Variants in PSME4 observed in about 807,000 individuals in gnomAD.
The protein encoded by PSME4 is proteasome activator complex subunit 4.
PSME4 carries 89 observed loss-of-function variants against 253.9 expected under a neutral mutation model. The observed-to-expected ratio is 0.35, with a 90% CI of 0.30 to 0.42. The LOEUF (loss-of-function observed/expected upper bound fraction) is 0.42, where lower values mean the gene tolerates loss of function less well. Ranked by LOEUF, PSME4 falls within the 10% of genes least tolerant of loss-of-function variation. PSME4 has a pLI of 1.00. For synonymous variants in PSME4, 851 were observed against 759.2 expected (o/e 1.12, Z -1.99); for missense variants, 2,014 against 2,195.2 (o/e 0.92, Z 1.65).
chr2:53,918,847 T>C (rs1668174627), intron 20 of PSME4, among the ~76,000 whole-genome samples: 1 of 152,188 alleles, frequency 6.6e-6, no homozygotes, highest in South Asian at 2.1e-4. Context: ...ATTTTTCCTT[T>C]TTAAAAGAAC....
chr2:53,933,900 G>A (rs773458047), intron 8 of PSME4, among the ~76,000 whole-genome samples: 22 of 152,036 alleles, frequency 1.4e-4, no homozygotes, highest in Admixed American at 5.9e-4. Flanking sequence ...ACAATAAAAT[G>A]GCAAAAACAA....
At chr2:53,954,562 G>C (rs1260748696) in intron 1 of PSME4, among the ~76,000 whole-genome samples, 4 of 152,132 alleles carry the variant, frequency 2.6e-5, no homozygotes, top group Admixed American at 6.6e-5. Flanking sequence ...ATTCAGGTCA[G>C]GTGTAGTGAG....
At position 53,925,183 on chromosome 2, in the gene PSME4, G is replaced by A. The variant is rs1262021836; in HGVS notation, c.1809+356C>T. On this transcript the variant is annotated intron_variant, in intron 14 of 46. Transcript: ENST00000404125. ...ATAAGAAGCAAAAAAATGTAAAAAA[G>A]TGGCATTAAATAGATCGCAAAGGGG... 2.6e-5 allele frequency among the ~76,000 whole-genome samples: 4 copies of A among 152,298 alleles called. No homozygotes were observed. The East Asian group carries it at 7.7e-4, about 29-fold the overall frequency.
At chr2:53,866,304 C>A in intron 45 of PSME4, 81 bp from the exon 46 acceptor site, 2 of 1,464,084 alleles carry the variant, frequency 1.4e-6, no homozygotes, top group Non-Finnish European at 9.3e-7. Flanking sequence ...GTTAAATTAC[C>A]GTCCCTCTAG....
intron 35 of PSME4, 46 bp downstream of exon 35, chr2:53,893,628 A>ATAT (rs1680012917): frequency 6.3e-7 from 1 of 1,592,234 alleles, no homozygotes; most frequent in Non-Finnish European, 8.5e-7. Flanking sequence ...TACGAACTGA[A>ATAT]TAGTTACTAA....
rs541177657 is a variant in PSME4 at position 53,944,199 on chromosome 2, C to T, written c.501-4199G>A. ...TTGAGATGGGTGTCTGGCTCTGTAG[C>T]CCAGGCTGGAGTGCAGTGGGATGAT... On this transcript the variant is annotated intron_variant, in intron 3 of 46. Coordinates refer to ENST00000404125, the MANE Select transcript of PSME4 (RefSeq NM_014614.3). Among the ~76,000 whole-genome samples the T allele has an allele frequency of 2.0e-5, 3 of 152,046 alleles. No homozygotes were observed. In the South Asian group the frequency reaches 6.2e-4, roughly 32 times the overall value.
chr2:53,866,840 T>C lies in PSME4; in HGVS notation c.5304A>G (p.Ala1768=), dbSNP rs369717673. The C allele has an allele frequency of 1.9e-6, 3 of 1,614,012 alleles. No homozygotes were observed. Among genetic ancestry groups the C allele is most frequent in the African/African-American group, 2.7e-5 (2 of 74,914 alleles). Residue 1768 remains alanine (A), a synonymous_variant, in exon 45 of 47, where the codon GCA becomes GCG. Coordinates refer to ENST00000404125, the MANE Select transcript of PSME4 (RefSeq NM_014614.3). ...KRHAGVLGLG[A]CVLSSPYDVP... Reference sequence around the variant, plus strand: ...CATCGTAAGGACTAGAAAGAACACATGCACCAAGTCCTAGCACCCCAGCAT... The same window carrying C: ...CATCGTAAGGACTAGAAAGAACACACGCACCAAGTCCTAGCACCCCAGCAT...
At chr2:53,875,075 G>T (rs921641766) in intron 42 of PSME4, among the ~76,000 whole-genome samples, 6 of 152,218 alleles carry the variant, frequency 3.9e-5, no homozygotes, top group African/African-American at 1.4e-4. Context: ...GGTCTGGAAA[G>T]CAAATGATTA....
At chr2:53,946,399 G>A (rs1669701811) in intron 3 of PSME4, among the ~76,000 whole-genome samples, 1 of 152,294 alleles carries the variant, frequency 6.6e-6, no homozygotes, top group Middle Eastern at 3.4e-3. Context: ...TGAGATCTAT[G>A]AAATAGTGAA....
chr2:53,908,210 T>C, intron 24 of PSME4, 110 bp downstream of exon 24: 1 of 766,982 alleles, frequency 1.3e-6, no homozygotes, highest in Non-Finnish European at 2.0e-6. Context: ...TTAAATCTAC[T>C]ATTTTTCCTT....
Position 53,897,929 on chromosome 2 carries a change from G to A in PSME4, c.3547C>T (p.Leu1183Phe). The change falls in exon 31 of 47, where the codon CTT becomes TTT. Residue 1183 changes from leucine to phenylalanine, a missense_variant. Transcript: ENST00000404125. ...TCAACAAAAAACCGTATGGCACGAA[G>A]AGGCAACACTCGGTCATCTCTCAGC... is the stretch of plus-strand genomic sequence containing the variant. ...LLLRDDRVLP[L>F]RAIRFFVENL... The A allele has an allele frequency of 6.2e-7, 1 of 1,613,260 alleles. No individual in the cohort carries two copies. Among genetic ancestry groups the A allele is most frequent in the South Asian group, 1.1e-5 (1 of 91,070 alleles).
rs890740904 is a variant in PSME4, at chr2:53,888,005, C to T, written c.4389-16G>A. The T allele has an allele frequency of 3.1e-6, 5 of 1,603,238 alleles. No homozygotes were observed. The highest frequency in any genetic ancestry group is 2.2e-5 in the East Asian group (1 of 44,542). On this transcript the variant is annotated splice_polypyrimidine_tract_variant and intron_variant, in intron 38 of 46. Transcript: ENST00000404125. ...ATAAAGTCGACTAAAATTAAAGCAT[C>T]GTAGTGTTATATTGGAGGCCCTTTC...
chr2:53,893,437 T>G (rs1680001244), intron 35 of PSME4, among the ~76,000 whole-genome samples: 1 of 152,196 alleles, frequency 6.6e-6, no homozygotes, highest in Admixed American at 6.5e-5. Flanking sequence ...AGAGTACTTT[T>G]AGGACCTAAT....
chr2:53,893,079 A>G (rs1558658157), intron 35 of PSME4, 119 bp from the exon 36 acceptor site: 3 of 778,726 alleles, frequency 3.9e-6, no homozygotes, highest in Non-Finnish European at 5.8e-6. Flanking sequence ...ACTCCCCTTT[A>G]GAACTGCTTT....
In PSME4 at chr2:53,885,784, A is replaced by T; in HGVS notation, c.4730-9T>A. 6.3e-7 allele frequency: 1 copy of T among 1,596,082 alleles called. No homozygotes were observed. Among genetic ancestry groups the T allele is most frequent in the Non-Finnish European group, 8.6e-7 (1 of 1,164,338 alleles). On this transcript the variant is annotated splice_polypyrimidine_tract_variant and intron_variant, in intron 40 of 46. Coordinates refer to ENST00000404125, the MANE Select transcript of PSME4 (RefSeq NM_014614.3). Reference sequence around the variant, plus strand: ...CATCAGCCATTTCAATACTATTTTGAAAACAAAGATGCAGAGTAAGTCTTT... The same window carrying T: ...CATCAGCCATTTCAATACTATTTTGTAAACAAAGATGCAGAGTAAGTCTTT...
chr2:53,966,449 A>G (rs1024790530), intron 1 of PSME4, among the ~76,000 whole-genome samples: 4 of 151,990 alleles, frequency 2.6e-5, no homozygotes, highest in Non-Finnish European at 5.9e-5. Context: ...ATCATTTGAG[A>G]TCAAGAGTTT....
intron 17 of PSME4, among the ~76,000 whole-genome samples, chr2:53,921,887 T>C (rs1449228084): frequency 1.9e-5 from 2 of 105,772 alleles, no homozygotes; most frequent in African/African-American, 7.1e-5. Flanking sequence ...AAAACTGAAG[T>C]TTGGGCCAGG....
intron 1 of PSME4, among the ~76,000 whole-genome samples, chr2:53,963,360 G>A (rs766784557): frequency 6.6e-6 from 1 of 151,958 alleles, no homozygotes; most frequent in Admixed American, 6.6e-5. Flanking sequence ...AAGAAAGAGC[G>A]CACTGAAACT....
rs1668861784 is a variant in PSME4 at position 53,932,160 on chromosome 2, G to C, written c.1051-60C>G. The C allele has an allele frequency of 1.4e-5, 21 of 1,476,526 alleles. 1 individual carries two copies. In the South Asian group the frequency reaches 2.3e-4, roughly 16 times the overall value. The allele number at this position is 1,476,526 out of a possible 1,614,324, so 91.5% of individuals were successfully genotyped here. Reference sequence around the variant, plus strand: ...TCTACTTTGCCGCATAGACATTCATGGTTGCTCTCTAGCTTCTTGAGAAAA... The same window carrying C: ...TCTACTTTGCCGCATAGACATTCATCGTTGCTCTCTAGCTTCTTGAGAAAA... On this transcript the variant is annotated intron_variant, in intron 9 of 46. Transcript: ENST00000404125.
Sources: gnomAD v4.1 joint callset for allele counts (sites outside exome capture counted in the v4.1 genomes callset) on GRCh38, gnomAD v4.1.1 for gene constraint, MANE v1.5 for transcripts, NCBI Gene and HGNC (gene_info 2026-07-23, HGNC 2026-07-21) for gene names.